PTPRR: variants seen among roughly 807,000 people sequenced by gnomAD.
The protein encoded by PTPRR is receptor-type tyrosine-protein phosphatase R.
PTPRR carries 38 observed loss-of-function variants against 77.2 expected under a neutral mutation model. The ratio of observed to expected loss-of-function variants is 0.49; its 90% CI spans 0.38 to 0.65. The LOEUF (loss-of-function observed/expected upper bound fraction) is 0.65. PTPRR is among the 30% of genes least tolerant of loss of function. PTPRR has a pLI of 0.00. For synonymous variants in PTPRR, 299 were observed against 283.1 expected (o/e 1.06, Z -0.57); for missense variants, 744 against 799.2 (o/e 0.93, Z 0.83).
intron 4 of PTPRR, 121 bp from the exon 5 acceptor site, chr12:70,754,422 C>T (rs1890504312): frequency 4.5e-6 from 7 of 1,563,698 alleles, no homozygotes; most frequent in East Asian, 2.3e-5. Context: ...ACACCTACAC[C>T]CCCCGCTGCC....
chr12:70,684,664 T>C (rs780453941), intron 9 of PTPRR, 40 bp downstream of exon 9: 1 of 1,338,358 alleles, frequency 7.5e-7, no homozygotes, highest in Non-Finnish European at 1.0e-6. Context: ...CAATTCCAAA[T>C]AGGAAGTCAC....
chr12:70,749,520 A>G (rs1374176509), intron 5 of PTPRR, among the ~76,000 whole-genome samples: 2 of 152,222 alleles, frequency 1.3e-5, no homozygotes, highest in African/African-American at 4.8e-5. Flanking sequence ...AAAATTGAAA[A>G]TTAATTTGAG....
chr12:70,758,486 G>T (rs1362848138), intron 4 of PTPRR, among the ~76,000 whole-genome samples: 1 of 151,416 alleles, frequency 6.6e-6, no homozygotes, highest in East Asian at 1.9e-4. Context: ...AACAGGGAAG[G>T]CCGTTTACAT....
At chr12:70,720,292 C>T (rs1889199152) in intron 6 of PTPRR, among the ~76,000 whole-genome samples, 1 of 152,052 alleles carries the variant, frequency 6.6e-6, no homozygotes, top group African/African-American at 2.4e-5. Context: ...GCTTGAATGC[C>T]TGTGTCTCCG....
chr12:70,707,873 C>T (rs1277112213), intron 6 of PTPRR, among the ~76,000 whole-genome samples: 2 of 152,014 alleles, frequency 1.3e-5, no homozygotes, highest in Admixed American at 1.3e-4. Flanking sequence ...AATATCTGAG[C>T]ACTGAAAATA....
chr12:70,796,592 G>A (rs1891518578), intron 2 of PTPRR, among the ~76,000 whole-genome samples: 1 of 152,056 alleles, frequency 6.6e-6, no homozygotes, highest in Admixed American at 6.6e-5. Flanking sequence ...AATTACCAAG[G>A]TAGAAAACAC....
intron 2 of PTPRR, among the ~76,000 whole-genome samples, chr12:70,786,457 A>G (rs1159439854): frequency 6.6e-6 from 1 of 152,168 alleles, no homozygotes; most frequent in Admixed American, 6.5e-5. Flanking sequence ...AGGTCATTGG[A>G]GCTTTATTTC....
At chr12:70,782,539 G>A (rs1215537001) in intron 2 of PTPRR, among the ~76,000 whole-genome samples, 3 of 152,182 alleles carry the variant, frequency 2.0e-5, no homozygotes, top group Admixed American at 2.0e-4. Flanking sequence ...GTCCTTTGTA[G>A]GGACATGGAT....
intron 13 of PTPRR, among the ~76,000 whole-genome samples, chr12:70,650,254 C>A (rs919796689): frequency 1.9e-4 from 29 of 151,926 alleles, no homozygotes; most frequent in African/African-American, 7.0e-4. Flanking sequence ...ACCAGCCTGG[C>A]CAACATGGTG....
chr12:70,878,740 C>G (rs1893096922), intron 2 of PTPRR, among the ~76,000 whole-genome samples: 1 of 152,180 alleles, frequency 6.6e-6, no homozygotes, highest in South Asian at 2.1e-4. Context: ...ACCCAGCCAT[C>G]CCATTACTGG....
chr12:70,760,691 A>G (rs914217966), intron 4 of PTPRR, among the ~76,000 whole-genome samples: 7 of 152,142 alleles, frequency 4.6e-5, no homozygotes, highest in Non-Finnish European at 8.8e-5. Flanking sequence ...TTGTTCTGTC[A>G]CCTTGAGGGA....
intron 2 of PTPRR, among the ~76,000 whole-genome samples, chr12:70,783,896 G>A (rs376479814): frequency 1.2e-4 from 18 of 147,292 alleles, no homozygotes; most frequent in African/African-American, 3.8e-4. Flanking sequence ...GGGTTGGCAC[G>A]TCAGCACTGC....
intron 2 of PTPRR, among the ~76,000 whole-genome samples, chr12:70,827,094 T>C (rs1389122636): frequency 1.3e-5 from 2 of 152,168 alleles, no homozygotes; most frequent in Non-Finnish European, 2.9e-5. Flanking sequence ...CACTATCCCC[T>C]CCCCAGATAC....
At chr12:70,784,372 G>A (rs1230008546) in intron 2 of PTPRR, among the ~76,000 whole-genome samples, 1 of 152,236 alleles carries the variant, frequency 6.6e-6, no homozygotes. Context: ...GCCTGGGGTG[G>A]GGGCTCCAGA....
At chr12:70,714,104 G>A (rs908256948) in intron 6 of PTPRR, among the ~76,000 whole-genome samples, 1 of 152,116 alleles carries the variant, frequency 6.6e-6, no homozygotes, top group African/African-American at 2.4e-5. Context: ...AGGTATCTCT[G>A]TGGTCTTCAT....
intron 2 of PTPRR, among the ~76,000 whole-genome samples, chr12:70,815,025 T>C (rs997123180): frequency 3.3e-5 from 5 of 150,860 alleles, no homozygotes; most frequent in African/African-American, 1.2e-4. Context: ...AGAAATGATA[T>C]AGATGATAGA....
At chr12:70,720,830 C>G (rs1318766339) in intron 6 of PTPRR, among the ~76,000 whole-genome samples, 2 of 152,014 alleles carry the variant, frequency 1.3e-5, no homozygotes, top group Non-Finnish European at 2.9e-5. Flanking sequence ...AGGATATTAT[C>G]CTATATTTGA....
chr12:70,728,383 A>T lies in PTPRR; in HGVS notation c.1007+17435T>A, dbSNP rs2136872330. 2.9e-5 allele frequency among the ~76,000 whole-genome samples: 4 copies of T among 138,684 alleles called. No homozygotes were observed. The South Asian group carries it at 1.0e-3, about 35-fold the overall frequency. The allele number at this position is 138,684 out of a possible 152,430, so 91.0% of individuals were successfully genotyped here. A position where few individuals can be genotyped will look rare whatever the true frequency, so the allele number is the denominator to read the frequency against. The stretch of plus-strand genomic sequence containing the variant: ...AAAAACAAAAAATCCAAAATCTGAA[A>T]CACTTCTGGTCCCAAGCATTTCGGA... On this transcript the variant is annotated intron_variant, in intron 6 of 13. Transcript: ENST00000283228.
chr12:70,875,110 C>A (rs911832528), intron 2 of PTPRR, among the ~76,000 whole-genome samples: 4 of 151,868 alleles, frequency 2.6e-5, no homozygotes, highest in Non-Finnish European at 5.9e-5. Context: ...ATGGTATAAC[C>A]ATACCATGAA....
Sources: gnomAD v4.1 joint callset for allele counts (sites outside exome capture counted in the v4.1 genomes callset) on GRCh38, gnomAD v4.1.1 for gene constraint, MANE v1.5 for transcripts, NCBI Gene and HGNC (gene_info 2026-07-23, HGNC 2026-07-21) for gene names.